Variants in BICC1 observed in about 807,000 individuals in gnomAD.
BICC1 encodes BicC family RNA binding protein 1, also known as protein bicaudal C homolog 1.
BICC1 carries 43 observed loss-of-function variants against 111.0 expected under a neutral mutation model. The ratio of observed to expected loss-of-function variants is 0.39; its 90% confidence interval spans 0.30 to 0.50. The LOEUF (loss-of-function observed/expected upper bound fraction) is 0.50, where lower values mean the gene tolerates loss of function less well. Ranked by LOEUF, BICC1 falls within the 20% of genes least tolerant of loss-of-function variation. The pLI is 0.88. For synonymous variants in BICC1, 467 were observed against 434.4 expected (o/e 1.07, Z -0.93); for missense variants, 1,091 against 1,203.2 (o/e 0.91, Z 1.38).
intron 2 of BICC1, among the ~76,000 whole-genome samples, chr10:58,657,886 T>C (rs991753422): frequency 5.9e-5 from 9 of 152,180 alleles, no homozygotes; most frequent in African/African-American, 2.2e-4. Flanking sequence ...CAGTCCCCAG[T>C]TGATATGTCT....
chr10:58,640,682 G>A (rs1382690105), intron 2 of BICC1, among the ~76,000 whole-genome samples: 1 of 152,126 alleles, frequency 6.6e-6, no homozygotes, highest in African/African-American at 2.4e-5. Context: ...GGAATACAGT[G>A]GTGAGCAGTT....
intron 3 of BICC1, among the ~76,000 whole-genome samples, chr10:58,778,669 C>T (rs1276383068): frequency 6.6e-6 from 1 of 152,086 alleles, no homozygotes; most frequent in Non-Finnish European, 1.5e-5. Flanking sequence ...CTAAGTGGAC[C>T]TACACAGTTC....
At chr10:58,750,933 G>A (rs1447028892) in intron 3 of BICC1, among the ~76,000 whole-genome samples, 32 of 152,092 alleles carry the variant, frequency 2.1e-4, no homozygotes, top group Non-Finnish European at 2.9e-5. Flanking sequence ...GTTCTTCCTT[G>A]GGAAAGTCTT....
chr10:58,577,574 CAG>C (rs1254287711), intron 1 of BICC1, among the ~76,000 whole-genome samples: 6 of 152,134 alleles, frequency 3.9e-5, no homozygotes, highest in African/African-American at 1.4e-4. Flanking sequence ...TAAGTTTCTT[CAG>C]AGAGGAAGTT....
chr10:58,796,278 T>A, intron 9 of BICC1, 62 bp from the exon 10 acceptor site: 1 of 1,385,318 alleles, frequency 7.2e-7, no homozygotes, highest in Non-Finnish European at 1.0e-6. Context: ...CTCCCTCCCC[T>A]CCCCCATTCA....
chr10:58,566,788 C>G (rs1460644259), intron 1 of BICC1, among the ~76,000 whole-genome samples: 2 of 152,184 alleles, frequency 1.3e-5, no homozygotes, highest in East Asian at 1.9e-4. Context: ...GTTTGTACCC[C>G]TTATCTTCTG....
chr10:58,560,185 A>T (rs899089087), intron 1 of BICC1, among the ~76,000 whole-genome samples: 3 of 152,040 alleles, frequency 2.0e-5, no homozygotes, highest in African/African-American at 7.2e-5. Context: ...CAGGAAAGTC[A>T]TCCATTCTTG....
intron 1 of BICC1, among the ~76,000 whole-genome samples, chr10:58,532,292 A>G (rs953230073): frequency 1.0e-4 from 12 of 118,706 alleles, no homozygotes; most frequent in African/African-American, 3.2e-4. Flanking sequence ...TGTGGACGGT[A>G]TGTATTATGA....
chr10:58,790,885 C>G (rs1255099670), intron 8 of BICC1, among the ~76,000 whole-genome samples: 1 of 152,216 alleles, frequency 6.6e-6, no homozygotes, highest in Non-Finnish European at 1.5e-5. Flanking sequence ...GGACATGATG[C>G]TGGGCTTACA....
chr10:58,813,757 G>A, intron 17 of BICC1, 73 bp from the exon 18 acceptor site: 1 of 1,467,302 alleles, frequency 6.8e-7, no homozygotes, highest in East Asian at 2.3e-5. Flanking sequence ...GTGTAATGTG[G>A]ATTCTTTTCT....
chr10:58,521,340 A>T (rs183199249), intron 1 of BICC1, among the ~76,000 whole-genome samples: 1 of 152,282 alleles, frequency 6.6e-6, no homozygotes, highest in East Asian at 1.9e-4. Flanking sequence ...CACAAGTGCC[A>T]GGTGCGGAGC....
At chr10:58,648,506 C>A (rs989230046) in intron 2 of BICC1, 1 of 984,914 alleles carries the variant, frequency 1.0e-6, no homozygotes, top group Non-Finnish European at 1.2e-6. Flanking sequence ...CCACTCCACT[C>A]GGACTTAGTG....
intron 20 of BICC1, chr10:58,823,438 A>G (rs972312471): frequency 1.0e-6 from 1 of 983,918 alleles, no homozygotes; most frequent in African/African-American, 1.7e-5. Context: ...TCTCTGGAAG[A>G]TTTATCTCTG....
At chr10:58,706,343 G>C (rs527552909) in intron 3 of BICC1, among the ~76,000 whole-genome samples, 1 of 152,268 alleles carries the variant, frequency 6.6e-6, no homozygotes, top group South Asian at 2.1e-4. Context: ...CCTGCTTTAA[G>C]AAATACATAA....
chr10:58,645,453 A>G (rs1369082384), intron 2 of BICC1, among the ~76,000 whole-genome samples: 1 of 151,448 alleles, frequency 6.6e-6, no homozygotes, highest in Non-Finnish European at 1.5e-5. Flanking sequence ...AAGGTATGCA[A>G]TTAGAACCAG....
intron 1 of BICC1, among the ~76,000 whole-genome samples, chr10:58,585,364 G>A (rs1844400948): frequency 6.6e-6 from 1 of 152,000 alleles, no homozygotes; most frequent in Admixed American, 6.6e-5. Context: ...CCTAAGGACG[G>A]GTGCTATCAT....
At chr10:58,738,126 C>T (rs1248462959) in intron 3 of BICC1, among the ~76,000 whole-genome samples, 6 of 152,216 alleles carry the variant, frequency 3.9e-5, no homozygotes, top group Admixed American at 1.3e-4. Context: ...GCTTTTGTTG[C>T]CATTGCTTTT....
chr10:58,787,066 A>G lies in BICC1; in HGVS notation c.531A>G (p.Ala177=), dbSNP rs1301541045. The change falls in exon 5 of 21, where the codon GCA becomes GCG. Residue 177 remains alanine, a synonymous_variant. Transcript: ENST00000373886. Reference sequence around the variant, plus strand: ...CAGATTCCAACAGGAATAACCAAGCAGAAAAAAGCAACCAGGTGGTTTGTC... The same window carrying G: ...CAGATTCCAACAGGAATAACCAAGCGGAAAAAAGCAACCAGGTGGTTTGTC... ...HFPDSNRNNQ[A]EKSNQVSIAG... 6.3e-7 allele frequency: 1 copy of G among 1,586,744 alleles called. No individual in the cohort carries two copies. Among genetic ancestry groups the G allele is most frequent in the Non-Finnish European group, 8.5e-7 (1 of 1,171,254 alleles).
intron 3 of BICC1, among the ~76,000 whole-genome samples, chr10:58,738,923 C>T (rs1449005035): frequency 2.6e-5 from 4 of 151,284 alleles, no homozygotes; most frequent in African/African-American, 4.9e-5. Flanking sequence ...GTGATTTTTG[C>T]ACATTGATTT....
Sources: gnomAD v4.1 joint callset for allele counts (sites outside exome capture counted in the v4.1 genomes callset) on GRCh38, gnomAD v4.1.1 for gene constraint, MANE v1.5 for transcripts, NCBI Gene and HGNC (gene_info 2026-07-23, HGNC 2026-07-21) for gene names.